AKAP8: variants seen among roughly 807,000 people sequenced by gnomAD.
AKAP8 encodes A-kinase anchoring protein 8, also known as A-kinase anchor protein 8.
In AKAP8, 24 loss-of-function variants were observed where a neutral mutation model predicts 67.5. The ratio of observed to expected loss-of-function variants is 0.36; its 90% CI spans 0.26 to 0.50. AKAP8 has a LOEUF of 0.50. AKAP8 is among the 20% of genes least tolerant of loss of function. The pLI is 0.97. For synonymous variants in AKAP8, 400 were observed against 371.1 expected, an observed-to-expected ratio of 1.08 and a Z score of -0.90; for missense variants, 971 against 955.9, an observed-to-expected ratio of 1.02 and a Z score of -0.21.
intron 7 of AKAP8, among the ~76,000 whole-genome samples, chr19:15,371,113 A>T (rs1316842040): frequency 6.6e-6 from 1 of 152,180 alleles, no homozygotes; most frequent in African/African-American, 2.4e-5. Context: ...AAACCTGAAA[A>T]GCCACCATCT....
At position 15,359,063 on chromosome 19, in the gene AKAP8, C is replaced by A. The variant is rs1966921557; in HGVS notation, c.1528-1G>T. On this transcript the variant is annotated splice_acceptor_variant, in intron 12 of 13. Coordinates refer to ENST00000269701, the MANE Select transcript of AKAP8 (RefSeq NM_005858.4). LOFTEE classifies it high-confidence loss of function. ...TTTTCTTGAACTGTTCAGCAGCCAA[C>A]TGCAAAGGGAACCAAATGTGAGCTC... 1 of 1,613,838 alleles carries A rather than the reference C, an allele frequency of 6.2e-7. No individual in the cohort carries two copies. The highest frequency in any genetic ancestry group is 8.5e-7 in the Non-Finnish European group (1 of 1,179,866).
At chr19:15,356,725 G>A (rs2048280957) in intron 13 of AKAP8, among the ~76,000 whole-genome samples, 1 of 151,342 alleles carries the variant, frequency 6.6e-6, no homozygotes, top group Non-Finnish European at 1.5e-5. Flanking sequence ...AAAATATGAT[G>A]CTTAGGGCAA....
intron 9 of AKAP8, among the ~76,000 whole-genome samples, chr19:15,364,090 A>C (rs991109223): frequency 1.7e-5 from 1 of 58,350 alleles, no homozygotes; most frequent in Admixed American, 2.4e-4. Context: ...ATAAATAAAT[A>C]AATAAATTGG....
intron 9 of AKAP8, among the ~76,000 whole-genome samples, chr19:15,363,389 C>T (rs1253696979): frequency 4.1e-5 from 6 of 147,502 alleles, no homozygotes; most frequent in South Asian, 2.1e-4. Context: ...CCAGCCGCCC[C>T]GTCCGGGAAG....
At chr19:15,363,208 C>G (rs1426478111) in intron 9 of AKAP8, among the ~76,000 whole-genome samples, 2 of 151,676 alleles carry the variant, frequency 1.3e-5, no homozygotes, top group East Asian at 3.9e-4. Context: ...CCGGCAGCCA[C>G]CTTGTCCGGG....
chr19:15,375,365 G>A (rs1353836957), intron 2 of AKAP8, among the ~76,000 whole-genome samples: 1 of 152,146 alleles, frequency 6.6e-6, no homozygotes, highest in Non-Finnish European at 1.5e-5. Context: ...GAATTTCGGT[G>A]CCCATAAATA....
chr19:15,372,302 T>G lies in AKAP8; in HGVS notation c.907A>C (p.Arg303=), dbSNP rs200786510. Residue 303 remains arginine (R), a synonymous_variant, in exon 6 of 14, where the codon AGG becomes CGG. Coordinates refer to ENST00000269701, the MANE Select transcript of AKAP8 (RefSeq NM_005858.4). ...TAAAGTTGGAACTGCTTCCGTTTCCTGCCCGTGCCATCTGGTCCGAAGCGG... is the reference window on the plus strand; with the variant it reads ...TAAAGTTGGAACTGCTTCCGTTTCCGGCCCGTGCCATCTGGTCCGAAGCGG... ...FDRFGPDGTG[R]KRKQFQLYEE... 1.9e-6 allele frequency: 3 copies of G among 1,614,204 alleles called. No homozygotes were observed. Among genetic ancestry groups the G allele is most frequent in the African/African-American group, 2.7e-5 (2 of 75,048 alleles).
At chr19:15,362,693 G>A (rs1966990474) in intron 9 of AKAP8, among the ~76,000 whole-genome samples, 1 of 151,846 alleles carries the variant, frequency 6.6e-6, no homozygotes, top group Non-Finnish European at 1.5e-5. Flanking sequence ...GCAGTGGCGT[G>A]ATCTCGGCTC....
At chr19:15,372,385 G>A (rs753818783) in intron 5 of AKAP8, 38 bp from the exon 6 acceptor site, 20 of 1,603,058 alleles carry the variant, frequency 1.2e-5, no homozygotes, top group African/African-American at 6.7e-5. Flanking sequence ...CTACTTACGA[G>A]GGCCATGAAG....
chr19:15,377,165 ACAACT>A, intron 1 of AKAP8, 151 bp from the exon 2 acceptor site: 1 of 818,252 alleles, frequency 1.2e-6, no homozygotes. Flanking sequence ...AAGCCATCAC[ACAACT>A]GGCTAATGGC....
chr19:15,361,041 C>T (rs1306835195), intron 11 of AKAP8, 63 bp from the exon 12 acceptor site: 2 of 1,573,264 alleles, frequency 1.3e-6, no homozygotes, highest in African/African-American at 2.7e-5. Context: ...TCCTACTCCC[C>T]ATCTGGGCCC....
At position 15,368,217 on chromosome 19, in the gene AKAP8, C is replaced by T. The variant is rs749738783; in HGVS notation, c.1160+18G>A. On this transcript the variant is annotated intron_variant, in intron 9 of 13. Coordinates refer to ENST00000269701, the MANE Select transcript of AKAP8 (RefSeq NM_005858.4). ...ACGAGTCCACCTCCTCCTGTGGGGT[C>T]GTGTGCCCGCGCCTCACCTGTCGGC... The T allele has an allele frequency of 8.7e-6, 14 of 1,609,410 alleles. No homozygotes were observed. The highest frequency in any genetic ancestry group is 5.5e-5 in the South Asian group (5 of 91,060).
chr19:15,363,515 A>C (rs4273161), intron 9 of AKAP8, among the ~76,000 whole-genome samples: 110,611 of 136,112 alleles, frequency 0.81, 44,480 homozygotes, highest in East Asian at 0.99. Flanking sequence ...GGCCAGCCGC[A>C]CCGTCCGGGA....
In AKAP8 at chr19:15,356,662, G is replaced by C. The variant is rs1431512723; in HGVS notation, c.1624-1292C>G. On this transcript the variant is annotated intron_variant, in intron 13 of 13. Transcript: ENST00000269701. ...AGTATATGATAGAAAACTATCTGTA[G>C]TCTAAAACAAGCAAACTAAAAGTTA... Among the ~76,000 whole-genome samples, 4 of 151,714 alleles carry C rather than the reference G, an allele frequency of 2.6e-5. No individual in the cohort carries two copies. The East Asian group carries it at 7.8e-4, about 30-fold the overall frequency.
At chr19:15,376,934 A>C in intron 2 of AKAP8, 42 bp downstream of exon 2, 1 of 1,599,002 alleles carries the variant, frequency 6.3e-7, no homozygotes. Context: ...GCCTTGAGTT[A>C]GGGGAAGCCC....
intron 6 of AKAP8, 108 bp downstream of exon 6, chr19:15,372,110 A>T: frequency 1.2e-6 from 2 of 1,608,902 alleles, no homozygotes; most frequent in Non-Finnish European, 8.5e-7. Flanking sequence ...AGTGGGGTTG[A>T]AACATGCCAC....
At position 15,375,759 on chromosome 19, in the gene AKAP8, C is replaced by G. The variant is rs888359609; in HGVS notation, c.59-1124G>C. Among the ~76,000 whole-genome samples the G allele has an allele frequency of 4.6e-5, 7 of 151,790 alleles. 1 individual carries two copies. The highest frequency in any genetic ancestry group is 1.0e-4 in the Non-Finnish European group (7 of 67,984). On this transcript the variant is annotated intron_variant, in intron 2 of 13. Coordinates refer to ENST00000269701, the MANE Select transcript of AKAP8 (RefSeq NM_005858.4). Reference sequence around the variant, plus strand: ...TCACGCCATTCTCCTGTCTCAGCCTCCGGAGTAGCTGGGACTACAGGCGCC... The same window carrying G: ...TCACGCCATTCTCCTGTCTCAGCCTGCGGAGTAGCTGGGACTACAGGCGCC...
intron 9 of AKAP8, 117 bp downstream of exon 9, chr19:15,368,118 G>T: frequency 7.3e-7 from 1 of 1,367,874 alleles, no homozygotes; most frequent in Non-Finnish European, 1.0e-6. Context: ...CACTGGTTTG[G>T]CCAGAGGAGT....
chr19:15,371,888 G>T, intron 7 of AKAP8, 64 bp downstream of exon 7: 1 of 1,559,542 alleles, frequency 6.4e-7, no homozygotes, highest in Non-Finnish European at 8.8e-7. Flanking sequence ...CCTTTGTGAG[G>T]AAGGGTGATT....
Sources: gnomAD v4.1 joint callset for allele counts (sites outside exome capture counted in the v4.1 genomes callset) on GRCh38, gnomAD v4.1.1 for gene constraint, MANE v1.5 for transcripts, NCBI Gene and HGNC (gene_info 2026-07-23, HGNC 2026-07-21) for gene names.